The following CFAP36 variants were observed in gnomAD, a reference collection of about 807,000 sequenced individuals.
CFAP36 encodes the protein cilia- and flagella-associated protein 36.
Under a neutral mutation model 50.5 loss-of-function variants are expected in CFAP36, and 37 were observed. The ratio of observed to expected loss-of-function variants is 0.73; its 90% CI spans 0.56 to 0.96. The LOEUF (loss-of-function observed/expected upper bound fraction) is 0.96. CFAP36 is among the 50% of genes least tolerant of loss of function. CFAP36 has a pLI of 0.00. For synonymous variants in CFAP36, 138 were observed against 128.2 expected, an observed-to-expected ratio of 1.08 and a Z score of -0.52; for missense variants, 407 against 396.2, an observed-to-expected ratio of 1.03 and a Z score of -0.23.
At chr2:55,533,798 AG>A in intron 4 of CFAP36, 74 bp from the exon 5 acceptor site, 1 of 759,668 alleles carries the variant, frequency 1.3e-6, no homozygotes, top group Non-Finnish European at 2.1e-6. Context: ...CTTGTACTTA[AG>A]GAACGAGAAC....
chr2:55,544,435 G>A, intron 9 of CFAP36, 66 bp downstream of exon 9: 2 of 1,498,092 alleles, frequency 1.3e-6, no homozygotes, highest in Non-Finnish European at 1.8e-6. Flanking sequence ...ATCAGAATAT[G>A]TGCAAGAAAG....
In CFAP36 at chr2:55,528,909, A is replaced by C. The variant is rs1399724684; in HGVS notation, c.314A>C (p.Asp105Ala). The C allele has an allele frequency of 6.2e-7, 1 of 1,609,316 alleles. No homozygotes were observed. The highest frequency in any genetic ancestry group is 1.1e-5 in the South Asian group (1 of 89,630). ...TTGCAACCTGTGTTGGCAGCAGAAGATTTTACTATCTTTAAAGCAATGATG... is the reference window on the plus strand; with the variant it reads ...TTGCAACCTGTGTTGGCAGCAGAAGCTTTTACTATCTTTAAAGCAATGATG... ...AILQPVLAAEDFTIFKAMMVQ... is the reference protein window; with the variant it reads ...AILQPVLAAEAFTIFKAMMVQ... The change falls in exon 4 of 10, where the codon GAT (aspartate) becomes GCT (alanine). Residue 105 changes from aspartate to alanine, a missense_variant. Physicochemically the swap from Asp to Ala is moderately radical, Grantham distance 126. Coordinates refer to ENST00000349456, the MANE Select transcript of CFAP36 (RefSeq NM_080667.7).
At chr2:55,537,765 G>A (rs569505760) in intron 7 of CFAP36, among the ~76,000 whole-genome samples, 180 bp downstream of exon 7, 3 of 152,342 alleles carry the variant, frequency 2.0e-5, no homozygotes, top group African/African-American at 7.2e-5. Flanking sequence ...ATACTGACCT[G>A]AAAGAGAGCG....
At chr2:55,538,879 G>T in intron 7 of CFAP36, 1 of 1,486,154 alleles carries the variant, frequency 6.7e-7, no homozygotes. Flanking sequence ...TAGTTTAGAA[G>T]AACTTCTATA....
At position 55,544,298 on chromosome 2, in the gene CFAP36, A is replaced by G. The variant is rs751509022; in HGVS notation, c.856A>G (p.Met286Val). The G allele has an allele frequency of 1.2e-6, 2 of 1,614,016 alleles. No individual in the cohort carries two copies. The highest frequency in any genetic ancestry group is 8.5e-7 in the Non-Finnish European group (1 of 1,179,962). Reference sequence around the variant, plus strand: ...GCAGAAGAGAGATAAGTTGATGTCCATGAGAAAGGATATGAGGACTAAACA... The same window carrying G: ...GCAGAAGAGAGATAAGTTGATGTCCGTGAGAAAGGATATGAGGACTAAACA... ...LKQKRDKLMS[M>V]RKDMRTKQIQ... is the part of the protein sequence containing the mutation. The change falls in exon 9 of 10, where the codon ATG (methionine) becomes GTG (valine). Residue 286 changes from methionine (M) to valine (V), a missense_variant. Transcript: ENST00000349456.
chr2:55,529,171 C>T (rs1487008422), intron 4 of CFAP36, among the ~76,000 whole-genome samples, 179 bp downstream of exon 4: 1 of 152,082 alleles, frequency 6.6e-6, no homozygotes, highest in Non-Finnish European at 1.5e-5. Flanking sequence ...CCTGTAATCA[C>T]AGCACTTTGG....
intron 7 of CFAP36, among the ~76,000 whole-genome samples, chr2:55,540,587 C>G (rs1297964584): frequency 6.6e-6 from 1 of 152,112 alleles, no homozygotes; most frequent in Non-Finnish European, 1.5e-5. Context: ...TTTTGCCTCT[C>G]CATATAAATG....
chr2:55,521,280 T>A (rs1224409492), intron 1 of CFAP36, among the ~76,000 whole-genome samples: 1 of 150,928 alleles, frequency 6.6e-6, no homozygotes, highest in Non-Finnish European at 1.5e-5. Context: ...CTTGGCTCAC[T>A]GCATTGTTTT....
At position 55,519,929 on chromosome 2, in the gene CFAP36, G is replaced by A. The variant is rs1684010517; in HGVS notation, c.115+13G>A. 21 of 1,611,976 alleles carry A rather than the reference G, an allele frequency of 1.3e-5. No homozygotes were observed. The East Asian group carries it at 4.7e-4, about 36-fold the overall frequency. On this transcript the variant is annotated intron_variant, in intron 1 of 9. Coordinates refer to ENST00000349456, the MANE Select transcript of CFAP36 (RefSeq NM_080667.7). ...CAGAAATGTGAAGGTAAAAACCAGA[G>A]CCCGAACCGACAATCCTTTTCTCCT...
chr2:55,523,632 T>A (rs1684128755), intron 2 of CFAP36, 89 bp from the exon 3 acceptor site: 1 of 752,712 alleles, frequency 1.3e-6, no homozygotes, highest in Non-Finnish European at 2.1e-6. Flanking sequence ...AAAAATTCGA[T>A]GATACTTTTC....
chr2:55,544,859 C>A, intron 9 of CFAP36, 48 bp from the exon 10 acceptor site: 1 of 1,268,670 alleles, frequency 7.9e-7, no homozygotes, highest in Non-Finnish European at 1.1e-6. Flanking sequence ...GAATTTTAGA[C>A]AAATTACCCT....
intron 2 of CFAP36, among the ~76,000 whole-genome samples, chr2:55,522,740 C>T (rs1175061604): frequency 6.6e-6 from 1 of 152,132 alleles, no homozygotes; most frequent in African/African-American, 2.4e-5. Context: ...CCTGCCTGGG[C>T]CTCCCAAAGT....
At chr2:55,533,047 GC>G (rs1684390961) in intron 4 of CFAP36, among the ~76,000 whole-genome samples, 1 of 152,188 alleles carries the variant, frequency 6.6e-6, no homozygotes, top group African/African-American at 2.4e-5. Context: ...CCCCCAAAGT[GC>G]TTAACACCAT....
rs750973554 is a variant in CFAP36, at chr2:55,519,792, T to C, written c.-10T>C. 1.4e-5 allele frequency: 22 copies of C among 1,613,712 alleles called. No individual in the cohort carries two copies. The highest frequency in any genetic ancestry group is 1.7e-5 in the Admixed American group (1 of 60,006). On this transcript the variant is annotated 5_prime_UTR_variant, in exon 1 of 10. Coordinates refer to ENST00000349456, the MANE Select transcript of CFAP36 (RefSeq NM_080667.7). The stretch of plus-strand genomic sequence containing the variant: ...CCTAGGGATCTTCCCCGTTGCCCCT[T>C]TGGGGCGGGATGGCTGCGGAAGAAG...
chr2:55,540,003 T>C (rs191283540), intron 7 of CFAP36, among the ~76,000 whole-genome samples: 56 of 152,370 alleles, frequency 3.7e-4, no homozygotes, highest in Admixed American at 1.2e-3. Context: ...TATTGTTGAA[T>C]TTTAAGTGTT....
At chr2:55,526,940 A>G (rs1438089685) in intron 3 of CFAP36, among the ~76,000 whole-genome samples, 1 of 152,150 alleles carries the variant, frequency 6.6e-6, no homozygotes, top group East Asian at 1.9e-4. Context: ...AAGTGGGAGG[A>G]TTGCTTGAGC....
intron 7 of CFAP36, among the ~76,000 whole-genome samples, chr2:55,540,794 C>G (rs1016766679): frequency 1.3e-4 from 20 of 151,954 alleles, no homozygotes; most frequent in Non-Finnish European, 2.6e-4. Flanking sequence ...GAAAACTGTT[C>G]GAGCTCAGGA....
chr2:55,532,762 C>G (rs1178158053), intron 4 of CFAP36, among the ~76,000 whole-genome samples: 1 of 152,166 alleles, frequency 6.6e-6, no homozygotes, highest in African/African-American at 2.4e-5. Context: ...GACCCAAAAT[C>G]CTACAGTCAT....
Position 55,519,748 on chromosome 2 carries a change from C to T in CFAP36, c.-54C>T. The T allele has an allele frequency of 4.4e-6, 7 of 1,587,132 alleles. No homozygotes were observed. Among genetic ancestry groups the T allele is most frequent in the Non-Finnish European group, 6.1e-6 (7 of 1,156,296 alleles). ...GGCTCCTTGTGGCCCAAAGGCCTAACCGGGGTCCGGCGGTCTGGCCTAGGG... is the reference window on the plus strand; with the variant it reads ...GGCTCCTTGTGGCCCAAAGGCCTAATCGGGGTCCGGCGGTCTGGCCTAGGG... On this transcript the variant is annotated 5_prime_UTR_variant, in exon 1 of 10. Coordinates refer to ENST00000349456, the MANE Select transcript of CFAP36 (RefSeq NM_080667.7).
Sources: gnomAD v4.1 joint callset for allele counts (sites outside exome capture counted in the v4.1 genomes callset) on GRCh38, gnomAD v4.1.1 for gene constraint, MANE v1.5 for transcripts, NCBI Gene and HGNC (gene_info 2026-07-23, HGNC 2026-07-21) for gene names.